Variants in GOLGA2 observed in about 807,000 individuals in gnomAD.
GOLGA2 encodes golgin A2.
In GOLGA2, 49 loss-of-function variants were observed where a neutral mutation model predicts 148.8. That is an observed-to-expected ratio of 0.33 (90% CI 0.26 to 0.42). The LOEUF is 0.42. Ranked by LOEUF, GOLGA2 falls within the 10% of genes least tolerant of loss-of-function variation. GOLGA2 has a pLI of 1.00. For synonymous variants in GOLGA2, 501 were observed against 511.8 expected, an observed-to-expected ratio of 0.98 and a Z score of 0.28; for missense variants, 1,178 against 1,304.6, an observed-to-expected ratio of 0.90 and a Z score of 1.49.
chr9:128,262,508 A>C, intron 14 of GOLGA2, 55 bp downstream of exon 14: 4 of 1,574,312 alleles, frequency 2.5e-6, no homozygotes, highest in Non-Finnish European at 3.5e-6. Context: ...TGATCCCTAG[A>C]CCATGGCCCC....
Position 128,258,268 on chromosome 9 carries a change from G to T in GOLGA2, c.2290-70C>A. The T allele has an allele frequency of 7.7e-7, 1 of 1,297,202 alleles. No homozygotes were observed. Among genetic ancestry groups the T allele is most frequent in the Non-Finnish European group, 1.1e-6 (1 of 927,492 alleles). The allele number at this position is 1,297,202 out of a possible 1,614,324, so 80.4% of individuals were successfully genotyped here. On this transcript the variant is annotated intron_variant, in intron 22 of 26. Transcript: ENST00000611957. The surrounding 1 kb of genome is among the most constrained non-coding windows in gnomAD (Gnocchi z 6.6). The stretch of plus-strand genomic sequence containing the variant: ...GAACAGGGCAGGGAGGTAGAGAGCA[G>T]CCCTTCCCTTGGGGCCTCAGAGGGT...
Position 128,258,151 on chromosome 9 carries a change from T to G in GOLGA2, c.2337A>C (p.Ala779=). The G allele has an allele frequency of 1.2e-6, 2 of 1,606,836 alleles. No individual in the cohort carries two copies. The highest frequency in any genetic ancestry group is 1.7e-6 in the Non-Finnish European group (2 of 1,178,644). The change falls in exon 23 of 27, where the codon GCA becomes GCC. Residue 779 remains alanine (A), a synonymous_variant. Transcript: ENST00000611957. The surrounding 1 kb of genome is among the most constrained non-coding windows in gnomAD (Gnocchi z 6.6). The stretch of plus-strand genomic sequence containing the variant: ...GCTCCTTCAGCTGCCCACGTAGCCT[T>G]GCCTGCTCCTCCTCGGCACTGGCTA... ...SAVASAEEEQ[A]RLRGQLKEQR... is the part of the protein sequence containing the mutation.
chr9:128,271,240 G>A lies in GOLGA2; in HGVS notation c.288+1545C>T, dbSNP rs775784795. On this transcript the variant is annotated intron_variant, in intron 3 of 26. Coordinates refer to ENST00000611957, the MANE Select transcript of GOLGA2 (RefSeq NM_001366244.2). This position sits in a 1 kb window ranked among gnomAD's most constrained non-coding sequence, Gnocchi z 4.4. ...ACCTCTAAGCCTGTGCTCCCCAGCC[G>A]TACCACTCAGCGTCTCCTCTGAGCT... 4.6e-5 allele frequency among the ~76,000 whole-genome samples: 7 copies of A among 152,142 alleles called. No individual in the cohort carries two copies. The highest frequency in any genetic ancestry group is 1.4e-4 in the African/African-American group (6 of 41,428).
Position 128,266,239 on chromosome 9 carries a change from C to T in GOLGA2, c.681+48G>A. On this transcript the variant is annotated intron_variant, in intron 9 of 26. Coordinates refer to ENST00000611957, the MANE Select transcript of GOLGA2 (RefSeq NM_001366244.2). This position sits in a 1 kb window ranked among gnomAD's most constrained non-coding sequence, Gnocchi z 4.2. ...ACTGAGGCCTCTACATTTGAATGCC[C>T]CCCAAACCCAGCAGTCATGTTGTGA... is the stretch of plus-strand genomic sequence containing the variant. The T allele has an allele frequency of 3.2e-6, 5 of 1,549,612 alleles. No individual in the cohort carries two copies. Among genetic ancestry groups the T allele is most frequent in the Non-Finnish European group, 4.5e-6 (5 of 1,121,818 alleles).
intron 3 of GOLGA2, among the ~76,000 whole-genome samples, chr9:128,268,876 A>G (rs1407098796): frequency 1.3e-5 from 2 of 152,214 alleles, no homozygotes; most frequent in African/African-American, 4.8e-5. Flanking sequence ...CTGTTCTTCC[A>G]GAAGGCCAGT....
In GOLGA2 at chr9:128,258,043, G is replaced by A. The variant is rs1256002162; in HGVS notation, c.2445C>T (p.Thr815=). ...EPEAAAPAPG[T]GGDSVCGETH... ...TCTCCCCACACACAGAATCACCCCC[G>A]GTCCCTGGGGCTGGGGCTGCTGCCT... is the stretch of plus-strand genomic sequence containing the variant. Residue 815 remains threonine (T), a synonymous_variant, in exon 23 of 27, where the codon ACC becomes ACT. Transcript: ENST00000611957. The surrounding 1 kb of genome is among the most constrained non-coding windows in gnomAD (Gnocchi z 6.6). The A allele has an allele frequency of 8.9e-6, 14 of 1,566,776 alleles. No individual in the cohort carries two copies. Among genetic ancestry groups the A allele is most frequent in the African/African-American group, 5.6e-5 (4 of 71,534 alleles).
Position 128,260,848 on chromosome 9 carries a change from A to C in GOLGA2, c.1421-46T>G. On this transcript the variant is annotated intron_variant, in intron 17 of 26. Coordinates refer to ENST00000611957, the MANE Select transcript of GOLGA2 (RefSeq NM_001366244.2). The surrounding 1 kb of genome is among the most constrained non-coding windows in gnomAD (Gnocchi z 4.8). Reference sequence around the variant, plus strand: ...TAAAAGCCTCTGGATTCTCAAAAAAACCCTCCTCTTGGTCCATACCTCCTC... The same window carrying C: ...TAAAAGCCTCTGGATTCTCAAAAAACCCCTCCTCTTGGTCCATACCTCCTC... 7.3e-7 allele frequency: 1 copy of C among 1,360,988 alleles called. No individual in the cohort carries two copies. The highest frequency in any genetic ancestry group is 1.0e-6 in the Non-Finnish European group (1 of 993,608). The allele number at this position is 1,360,988 out of a possible 1,614,324, so 84.3% of individuals were successfully genotyped here.
chr9:128,269,234 C>A (rs1175525920), intron 3 of GOLGA2, among the ~76,000 whole-genome samples: 1 of 151,988 alleles, frequency 6.6e-6, no homozygotes, highest in Non-Finnish European at 1.5e-5. Context: ...CAGGTGTGAG[C>A]CATTGCACTT....
Position 128,257,248 on chromosome 9 carries a change from T to G in GOLGA2, c.2909A>C (p.Glu970Ala). 1 of 1,613,424 alleles carries G rather than the reference T, an allele frequency of 6.2e-7. No individual in the cohort carries two copies. The highest frequency in any genetic ancestry group is 8.5e-7 in the Non-Finnish European group (1 of 1,179,878). ...LCEVSLAGSVEPAQGEAREGS... is the reference protein window; with the variant it reads ...LCEVSLAGSVAPAQGEAREGS... ...CTCCCTGGCCTCTCCTTGGGCAGGC[T>G]CCACACTGCCGGCGAGGCTCACCTC... The change falls in exon 27 of 27, where the codon GAG becomes GCG. Residue 970 changes from glutamate (E) to alanine (A), a missense_variant. Glu to Ala is a moderately radical substitution (Grantham distance 107). Coordinates refer to ENST00000611957, the MANE Select transcript of GOLGA2 (RefSeq NM_001366244.2). This position sits in a 1 kb window ranked among gnomAD's most constrained non-coding sequence, Gnocchi z 8.0.
Position 128,258,537 on chromosome 9 carries a change from T to A in GOLGA2, c.2207A>T (p.Glu736Val). ...DGLDREEEED[E>V]EEEEEEAVAV... Reference sequence around the variant, plus strand: ...CACCGCCTCCTCCTCCTCCTCCTCCTCATCCTCCTCCTCCTCCCGGTCCAG... The same window carrying A: ...CACCGCCTCCTCCTCCTCCTCCTCCACATCCTCCTCCTCCTCCCGGTCCAG... The change falls in exon 22 of 27, where the codon GAG becomes GTG. Residue 736 changes from glutamate to valine, a missense_variant. Glu to Val is a moderately radical substitution (Grantham distance 121). This residue lies in a region of GOLGA2 where 529 missense variants were observed against 521.8 expected (regional missense o/e 1.01). Coordinates refer to ENST00000611957, the MANE Select transcript of GOLGA2 (RefSeq NM_001366244.2). The surrounding 1 kb of genome is among the most constrained non-coding windows in gnomAD (Gnocchi z 6.6). The A allele has an allele frequency of 1.9e-6, 3 of 1,581,740 alleles. No individual in the cohort carries two copies. The highest frequency in any genetic ancestry group is 1.8e-4 in the Middle Eastern group (1 of 5,646).
In GOLGA2 at chr9:128,261,478, C is replaced by G; in HGVS notation, c.1308G>C (p.Gln436His). Residue 436 changes from glutamine (Q) to histidine (H), a missense_variant, in exon 16 of 27, where the codon CAG becomes CAC. This residue lies in a region of GOLGA2 where 304 missense variants were observed against 404.1 expected (regional missense o/e 0.75). Transcript: ENST00000611957. The surrounding 1 kb of genome is among the most constrained non-coding windows in gnomAD (Gnocchi z 5.7). ...NLKGESAMWR[Q>H]RMQQMSEQVH... is the part of the protein sequence containing the mutation. The stretch of plus-strand genomic sequence containing the variant: ...CCTGCTCTGACATCTGCTGCATCCT[C>G]TGCCGCCACATGGCGCTCTCTCCTT... The G allele has an allele frequency of 6.2e-7, 1 of 1,607,250 alleles. No homozygotes were observed. The highest frequency in any genetic ancestry group is 2.2e-5 in the East Asian group (1 of 44,840).
At chr9:128,265,738 G>T (rs745548074) in intron 11 of GOLGA2, 47 bp from the exon 12 acceptor site, 9 of 1,609,972 alleles carry the variant, frequency 5.6e-6, no homozygotes, top group Non-Finnish European at 7.7e-6. Context: ...TCCCCCTAAA[G>T]GCCTGTCAAA....
At chr9:128,264,997 T>C (rs1367054364) in intron 12 of GOLGA2, among the ~76,000 whole-genome samples, 1 of 152,162 alleles carries the variant, frequency 6.6e-6, no homozygotes, top group Non-Finnish European at 1.5e-5. Flanking sequence ...CAGGTATATC[T>C]GACTCTCTAA....
chr9:128,274,964 G>T (rs913661846), intron 1 of GOLGA2, among the ~76,000 whole-genome samples: 5 of 152,156 alleles, frequency 3.3e-5, no homozygotes, highest in Non-Finnish European at 7.3e-5. Flanking sequence ...AGAGACCACT[G>T]AAGGGCACTC....
In GOLGA2 at chr9:128,257,404, G is replaced by A. The variant is rs781217929; in HGVS notation, c.2840C>T (p.Ala947Val). The change falls in exon 26 of 27, where the codon GCC (alanine) becomes GTC (valine). Residue 947 changes from alanine (A) to valine (V), a missense_variant. By Grantham distance (64) the Ala-to-Val change is moderately conservative. This residue lies in a region of GOLGA2 where 149 missense variants were observed against 154.9 expected (regional missense o/e 0.96). Transcript: ENST00000611957. The surrounding 1 kb of genome is among the most constrained non-coding windows in gnomAD (Gnocchi z 8.0). ...GTTGGCAGCCCCAAGTTCCTGGGGG[G>A]CTGGGGCCCCTGAAGTGGGCTCATC... ...PADEPTSGAP[A>V]PQELGAANQQ... 3.1e-6 allele frequency: 5 copies of A among 1,612,866 alleles called. No individual in the cohort carries two copies. The highest frequency in any genetic ancestry group is 2.7e-5 in the African/African-American group (2 of 74,868).
At position 128,258,765 on chromosome 9, in the gene GOLGA2, A is replaced by T; in HGVS notation, c.2174-195T>A. 1.6e-6 allele frequency: 1 copy of T among 614,016 alleles called. No homozygotes were observed. The highest frequency in any genetic ancestry group is 2.9e-6 in the Non-Finnish European group (1 of 349,548). 38.0% of individuals were successfully genotyped at this position (614,016 alleles called of 1,614,324 possible). On this transcript the variant is annotated intron_variant, in intron 21 of 26. Transcript: ENST00000611957. The surrounding 1 kb of genome is among the most constrained non-coding windows in gnomAD (Gnocchi z 6.6). ...CTGCCCAGGTGCAGTCCCACTACCG[A>T]TCAGCATGGGAGTTCTGACCTGCTT...
intron 3 of GOLGA2, among the ~76,000 whole-genome samples, chr9:128,270,620 T>C (rs1021179003): frequency 1.3e-5 from 2 of 152,108 alleles, no homozygotes; most frequent in African/African-American, 4.8e-5. Flanking sequence ...GGAAATGTTA[T>C]CAGCTCCGCT....
At chr9:128,263,699 T>C (rs1171801618) in intron 12 of GOLGA2, among the ~76,000 whole-genome samples, 2 of 151,592 alleles carry the variant, frequency 1.3e-5, no homozygotes, top group African/African-American at 4.8e-5. Context: ...ATTACAGGCG[T>C]GAGCCACCAT....
chr9:128,261,553 C>T lies in GOLGA2; in HGVS notation c.1233G>A (p.Glu411=). Residue 411 remains glutamate, a synonymous_variant, in exon 16 of 27, where the codon GAG becomes GAA. Transcript: ENST00000611957. The surrounding 1 kb of genome is among the most constrained non-coding windows in gnomAD (Gnocchi z 5.7). ...TCTCCATTTGTAGTTGTCTAACCGA[C>T]TCCATTACCTGCAAGAATGGCCACA... ...QLEAHLGQVM[E]SVRQLQMERD... 1.3e-6 allele frequency: 2 copies of T among 1,595,666 alleles called. No homozygotes were observed. The highest frequency in any genetic ancestry group is 1.7e-6 in the Non-Finnish European group (2 of 1,163,026).
Sources: gnomAD v4.1 joint callset for allele counts (sites outside exome capture counted in the v4.1 genomes callset) on GRCh38, gnomAD v4.1.1 for gene constraint, gnomAD v4.1.1 regional missense constraint, Gnocchi (gnomAD v3.1) non-coding constraint, MANE v1.5 for transcripts, NCBI Gene and HGNC (gene_info 2026-07-23, HGNC 2026-07-21) for gene names.